KAT6B: variants seen among roughly 807,000 people sequenced by gnomAD.
KAT6B encodes lysine acetyltransferase 6B.
In KAT6B, 10 loss-of-function variants were observed where a neutral mutation model predicts 187.5. The observed-to-expected ratio is 0.05, with a 90% CI of 0.03 to 0.09. KAT6B has a LOEUF of 0.09. Among genes scored for constraint, KAT6B ranks in the 10% least tolerant of loss-of-function variants. KAT6B has a pLI of 1.00. For synonymous variants in KAT6B, 861 were observed against 926.8 expected (o/e 0.93, Z 1.29); for missense variants, 1,952 against 2,558.9 (o/e 0.76, Z 5.12).
intron 1 of KAT6B, chr10:74,827,047 G>A (rs1227086591): frequency 6.8e-6 from 1 of 146,162 alleles, no homozygotes; most frequent in African/African-American, 2.5e-5. Context: ...GGCGGGATCG[G>A]GTGGGGGCGG....
chr10:74,850,357 GA>G (rs1447741551), intron 3 of KAT6B, among the ~76,000 whole-genome samples: 5 of 152,292 alleles, frequency 3.3e-5, no homozygotes, highest in Middle Eastern at 3.4e-3. Context: ...TAGCAATATG[GA>G]AAGGCAGTAG....
chr10:74,944,259 G>A (rs1163234047), intron 3 of KAT6B, among the ~76,000 whole-genome samples: 1 of 152,184 alleles, frequency 6.6e-6, no homozygotes, highest in Non-Finnish European at 1.5e-5. Flanking sequence ...TGTATCACTG[G>A]ATATGGCCCA....
intron 13 of KAT6B, among the ~76,000 whole-genome samples, chr10:74,991,120 A>G (rs1843103107): frequency 6.6e-6 from 1 of 152,084 alleles, no homozygotes; most frequent in Non-Finnish European, 1.5e-5. Context: ...ATCTTATACC[A>G]TATTCTATAT....
chr10:74,883,304 G>A (rs1435666056), intron 3 of KAT6B, among the ~76,000 whole-genome samples: 1 of 152,170 alleles, frequency 6.6e-6, no homozygotes, highest in Admixed American at 6.6e-5. Context: ...TCCCAGAGGA[G>A]AAGATACAGT....
At chr10:74,926,719 G>A (rs936165092) in intron 3 of KAT6B, among the ~76,000 whole-genome samples, 4 of 152,136 alleles carry the variant, frequency 2.6e-5, no homozygotes, top group African/African-American at 7.2e-5. Flanking sequence ...ACCAAATTAC[G>A]TCTGTGAAAC....
intron 3 of KAT6B, among the ~76,000 whole-genome samples, chr10:74,849,677 GAAT>G (rs1314612465): frequency 3.3e-5 from 5 of 152,206 alleles, no homozygotes; most frequent in African/African-American, 1.2e-4. Flanking sequence ...AAAATAGTAA[GAAT>G]AATAACTAAC....
chr10:75,018,483 C>G (rs1276910197), intron 13 of KAT6B, among the ~76,000 whole-genome samples: 1 of 152,172 alleles, frequency 6.6e-6, no homozygotes, highest in Non-Finnish European at 1.5e-5. Flanking sequence ...AGGCTCAGGC[C>G]CTGACAGGGT....
chr10:74,971,383 C>A (rs1043656312), intron 6 of KAT6B, among the ~76,000 whole-genome samples: 1 of 152,154 alleles, frequency 6.6e-6, no homozygotes, highest in Non-Finnish European at 1.5e-5. Flanking sequence ...GTTACTATAT[C>A]TCCTTGAGTC....
At chr10:74,874,021 CATT>C in intron 3 of KAT6B, among the ~76,000 whole-genome samples, 1 of 151,026 alleles carries the variant, frequency 6.6e-6, no homozygotes, top group East Asian at 1.9e-4. Context: ...TTCCTATCAG[CATT>C]AAAGAAAAAA....
chr10:75,026,470 A>G (rs1484316514), intron 17 of KAT6B, among the ~76,000 whole-genome samples: 3 of 152,208 alleles, frequency 2.0e-5, no homozygotes, highest in Admixed American at 2.0e-4. Flanking sequence ...TGGGAACCAC[A>G]GGATCACTCT....
At chr10:75,022,551 C>G (rs1212576964) in intron 16 of KAT6B, among the ~76,000 whole-genome samples, 1 of 152,132 alleles carries the variant, frequency 6.6e-6, no homozygotes, top group African/African-American at 2.4e-5. Context: ...GCACTTAAAC[C>G]ACCCTCCAAG....
At chr10:74,959,839 G>A (rs1304837942) in intron 3 of KAT6B, 131 bp from the exon 4 acceptor site, 7 of 687,220 alleles carry the variant, frequency 1.0e-5, no homozygotes, top group South Asian at 3.3e-5. Flanking sequence ...ATTTAAATAC[G>A]TTATTTAGCA....
chr10:74,971,056 C>T (rs1320266171), intron 6 of KAT6B, among the ~76,000 whole-genome samples: 1 of 152,098 alleles, frequency 6.6e-6, no homozygotes, highest in Admixed American at 6.6e-5. Flanking sequence ...TCCAGTTTGC[C>T]ACAATCTCAC....
chr10:74,825,399 G>T (rs1442063564), upstream of KAT6B, among the ~76,000 whole-genome samples: 3 of 150,314 alleles, frequency 2.0e-5, no homozygotes, highest in Non-Finnish European at 4.5e-5. The surrounding 1 kb of genome is among the most constrained non-coding windows in gnomAD (Gnocchi z 5.0). Flanking sequence ...CGGGGTCCGG[G>T]CTGCGCCCCC....
chr10:74,929,924 T>C (rs1848752116), intron 3 of KAT6B, among the ~76,000 whole-genome samples: 1 of 150,474 alleles, frequency 6.6e-6, no homozygotes, highest in South Asian at 2.1e-4. Context: ...ATTTTTCCTT[T>C]TTTTTTTTTT....
chr10:75,021,077 T>G (rs1452437191), intron 14 of KAT6B, 49 bp from the exon 15 acceptor site: 3 of 1,576,330 alleles, frequency 1.9e-6, no homozygotes, highest in Non-Finnish European at 8.7e-7. Context: ...GAAGCTGAAG[T>G]GAAATTTCAG....
intron 3 of KAT6B, among the ~76,000 whole-genome samples, chr10:74,944,304 T>G (rs1419704673): frequency 6.6e-6 from 1 of 152,220 alleles, no homozygotes; most frequent in African/African-American, 2.4e-5. Context: ...AGTGTGATTC[T>G]CTGCAGCTTG....
chr10:74,936,811 T>C (rs1849310036), intron 3 of KAT6B, among the ~76,000 whole-genome samples: 1 of 152,232 alleles, frequency 6.6e-6, no homozygotes, highest in African/African-American at 2.4e-5. Flanking sequence ...TTATTTTGTT[T>C]ATGCACTTTT....
At chr10:74,844,452 G>T (rs1212642572) in intron 3 of KAT6B, among the ~76,000 whole-genome samples, 1 of 152,212 alleles carries the variant, frequency 6.6e-6, no homozygotes, top group African/African-American at 2.4e-5. Context: ...ACCCGCTTTG[G>T]TCTCCCAAAG....
Sources: allele counts gnomAD v4.1 joint callset (sites outside exome capture counted in the v4.1 genomes callset), GRCh38; gene constraint gnomAD v4.1.1; non-coding constraint Gnocchi (gnomAD v3.1); transcripts MANE v1.5; gene names NCBI Gene and HGNC (gene_info 2026-07-23, HGNC 2026-07-21).